The following PSME4 variants were observed in gnomAD, a reference collection of about 807,000 sequenced individuals.
PSME4 encodes proteasome activator subunit 4.
PSME4 carries 89 observed loss-of-function variants against 253.9 expected under a neutral mutation model. That is an observed-to-expected ratio of 0.35 (90% confidence interval 0.30 to 0.42). The LOEUF (loss-of-function observed/expected upper bound fraction) is 0.42. Among genes scored for constraint, PSME4 ranks in the 10% least tolerant of loss-of-function variants. The pLI is 1.00. For synonymous variants in PSME4, 851 were observed against 759.2 expected, an observed-to-expected ratio of 1.12 and a Z score of -1.99; for missense variants, 2,014 against 2,195.2, an observed-to-expected ratio of 0.92 and a Z score of 1.65.
At chr2:53,888,907 C>T (rs1405955218) in intron 37 of PSME4, 95 bp from the exon 38 acceptor site, 17 of 1,009,638 alleles carry the variant, frequency 1.7e-5, no homozygotes, top group Admixed American at 8.0e-5. Context: ...ATTTTTGAGG[C>T]TAGGTCTAAC....
intron 3 of PSME4, among the ~76,000 whole-genome samples, chr2:53,945,069 C>G (rs1047741471): frequency 1.3e-5 from 2 of 152,094 alleles, no homozygotes; most frequent in African/African-American, 2.4e-5. Flanking sequence ...CTACCACCCA[C>G]AAAAACCAAA....
chr2:53,929,343 G>A (rs1449031617), intron 10 of PSME4, among the ~76,000 whole-genome samples: 2 of 152,100 alleles, frequency 1.3e-5, no homozygotes, highest in Non-Finnish European at 2.9e-5. Context: ...CCAGGCTGGA[G>A]TGCAGTGGCC....
rs781441507 is a variant in PSME4, at chr2:53,866,733, AG to A, written c.5397+13del. On this transcript the variant is annotated intron_variant, in intron 45 of 46. Transcript: ENST00000404125. ...CTGATAATACACGTACAAACTAATA[AG>A]GAAGAACTGTACCTCAATAGGCTGA... 6.2e-7 allele frequency: 1 copy of A among 1,607,568 alleles called. No homozygotes were observed. The highest frequency in any genetic ancestry group is 8.5e-7 in the Non-Finnish European group (1 of 1,176,204).
At chr2:53,920,810 C>A in intron 18 of PSME4, 79 bp downstream of exon 18, 1 of 1,200,236 alleles carries the variant, frequency 8.3e-7, no homozygotes, top group Non-Finnish European at 1.2e-6. Flanking sequence ...CTAACATATG[C>A]AAGAAAAAAT....
chr2:53,892,767 G>C, intron 36 of PSME4, 41 bp downstream of exon 36: 1 of 1,566,896 alleles, frequency 6.4e-7, no homozygotes, highest in Non-Finnish European at 8.6e-7. Context: ...GGGTAACATA[G>C]CTTTAACAGG....
intron 41 of PSME4, among the ~76,000 whole-genome samples, chr2:53,880,309 G>C (rs1470604575): frequency 6.6e-6 from 1 of 152,032 alleles, no homozygotes; most frequent in Non-Finnish European, 1.5e-5. Context: ...AATAAAATTA[G>C]CTGGAGTGGT....
chr2:53,966,734 A>C (rs1670756404), intron 1 of PSME4, among the ~76,000 whole-genome samples: 1 of 152,032 alleles, frequency 6.6e-6, no homozygotes, highest in East Asian at 1.9e-4. Flanking sequence ...TTTAAGATGG[A>C]GTCTCGCTCT....
Position 53,909,338 on chromosome 2 carries a change from T to TA in PSME4, c.2573-499dup, listed in dbSNP as rs1282835344. On this transcript the variant is annotated intron_variant, in intron 21 of 46. Transcript: ENST00000404125. ...TCTATTAGATTTAGAACATTAACAA[T>TA]AAAATGTTTTACATAAATGTTATTA... is the stretch of plus-strand genomic sequence containing the variant. Among the ~76,000 whole-genome samples the TA allele has an allele frequency of 3.3e-5, 5 of 152,286 alleles. No homozygotes were observed. The East Asian group carries it at 7.7e-4, about 23-fold the overall frequency.
chr2:53,887,841 G>C lies in PSME4; in HGVS notation c.4520+17C>G. On this transcript the variant is annotated intron_variant, in intron 39 of 46. Transcript: ENST00000404125. ...CAAAGAACTCGAGAGGTACACCACAGAGAAAACAGTACCTACCTTCCTATT... is the reference window on the plus strand; with the variant it reads ...CAAAGAACTCGAGAGGTACACCACACAGAAAACAGTACCTACCTTCCTATT... 6.4e-7 allele frequency: 1 copy of C among 1,574,400 alleles called. No homozygotes were observed. The highest frequency in any genetic ancestry group is 8.7e-7 in the Non-Finnish European group (1 of 1,149,814).
Position 53,920,424 on chromosome 2 carries a change from C to T in PSME4, c.2263-74G>A, listed in dbSNP as rs541299631. The T allele has an allele frequency of 2.4e-5, 32 of 1,356,688 alleles. No homozygotes were observed. In the South Asian group the frequency reaches 2.4e-4, roughly 10 times the overall value. 84.0% of individuals were successfully genotyped at this position (1,356,688 alleles called of 1,614,324 possible). A position where few individuals can be genotyped will look rare whatever the true frequency, so the allele number is the denominator to read the frequency against. On this transcript the variant is annotated intron_variant, in intron 18 of 46. Transcript: ENST00000404125. Reference sequence around the variant, plus strand: ...AACAACAAACCCACATACATATACACAATTTTTAAAATTTAAAAGAAAATG... The same window carrying T: ...AACAACAAACCCACATACATATACATAATTTTTAAAATTTAAAAGAAAATG...
intron 1 of PSME4, among the ~76,000 whole-genome samples, chr2:53,968,426 A>G (rs1183286200): frequency 6.6e-6 from 1 of 152,194 alleles, no homozygotes; most frequent in South Asian, 2.1e-4. Flanking sequence ...TCTACAAAGT[A>G]CTAAATATGA....
At chr2:53,890,317 T>C (rs1679848291) in intron 36 of PSME4, 109 bp from the exon 37 acceptor site, 2 of 749,188 alleles carry the variant, frequency 2.7e-6, no homozygotes, top group South Asian at 3.4e-5. Flanking sequence ...ATCATTTAAA[T>C]TATTTTTGAG....
In PSME4 at chr2:53,876,716, C is replaced by CTT. The variant is rs10599430; in HGVS notation, c.4816-963_4816-962dup. Among the ~76,000 whole-genome samples, 53 of 97,838 alleles carry CTT rather than the reference C, an allele frequency of 5.4e-4. 5 individuals are homozygous for CTT. Among genetic ancestry groups the CTT allele is most frequent in the East Asian group, 4.2e-3 (10 of 2,392 alleles). 64.2% of individuals were successfully genotyped at this position (97,838 alleles called of 152,430 possible). A position where few individuals can be genotyped will look rare whatever the true frequency, so the allele number is the denominator to read the frequency against. ...TCTGATGGCTGTAGCCACTGTCATT[C>CTT]TTTTTTTTTTTTTTTTTTTTGAGAC... On this transcript the variant is annotated intron_variant, in intron 41 of 46. Coordinates refer to ENST00000404125, the MANE Select transcript of PSME4 (RefSeq NM_014614.3).
At chr2:53,968,099 C>A (rs552214122) in intron 1 of PSME4, among the ~76,000 whole-genome samples, 1 of 151,794 alleles carries the variant, frequency 6.6e-6, no homozygotes, top group African/African-American at 2.4e-5. Context: ...ATGGTGAAAC[C>A]CTGTCTCTAC....
At chr2:53,866,579 G>A (rs759100961) in intron 45 of PSME4, among the ~76,000 whole-genome samples, 168 bp downstream of exon 45, 30 of 152,210 alleles carry the variant, frequency 2.0e-4, no homozygotes, top group Non-Finnish European at 3.7e-4. Context: ...ATCCATGGCA[G>A]CAAGGTCTCT....
chr2:53,930,483 C>T (rs935227680), intron 10 of PSME4, among the ~76,000 whole-genome samples: 18 of 152,130 alleles, frequency 1.2e-4, no homozygotes, highest in South Asian at 4.1e-4. Flanking sequence ...GGGTTGAAGA[C>T]GGACAGGAAA....
At chr2:53,886,232 AC>A (rs1174495196) in intron 40 of PSME4, among the ~76,000 whole-genome samples, 2 of 152,088 alleles carry the variant, frequency 1.3e-5, no homozygotes, top group Non-Finnish European at 2.9e-5. Context: ...ACATATGGAG[AC>A]CCCTGTCTCT....
chr2:53,903,015 G>A (rs142060785), intron 27 of PSME4, among the ~76,000 whole-genome samples: 3,391 of 152,108 alleles, frequency 0.022, 132 homozygotes, highest in Admixed American at 0.11. Flanking sequence ...GATTCTTCCC[G>A]ATTTCTTGAT....
intron 4 of PSME4, among the ~76,000 whole-genome samples, chr2:53,938,239 T>A (rs1669213567): frequency 6.6e-6 from 1 of 152,078 alleles, no homozygotes; most frequent in Admixed American, 6.5e-5. Flanking sequence ...AAAGAGAACA[T>A]CAGTCCAGCA....
Sources: allele counts gnomAD v4.1 joint callset (sites outside exome capture counted in the v4.1 genomes callset), GRCh38; gene constraint gnomAD v4.1.1; transcripts MANE v1.5; gene names NCBI Gene and HGNC (gene_info 2026-07-23, HGNC 2026-07-21).